The following TBC1D19 variants were observed in gnomAD, a reference collection of about 807,000 sequenced individuals.
The protein encoded by TBC1D19 is TBC1 domain family member 19.
TBC1D19 carries 60 observed loss-of-function variants against 89.0 expected under a neutral mutation model. The ratio of observed to expected loss-of-function variants is 0.67; its 90% confidence interval spans 0.55 to 0.84. The LOEUF (loss-of-function observed/expected upper bound fraction) is 0.84, where lower values mean the gene tolerates loss of function less well. Ranked by LOEUF, TBC1D19 falls within the 40% of genes least tolerant of loss-of-function variation. TBC1D19 has a pLI of 0.00. For synonymous variants in TBC1D19, 189 were observed against 199.7 expected, an observed-to-expected ratio of 0.95 and a Z score of 0.45; for missense variants, 500 against 610.8, an observed-to-expected ratio of 0.82 and a Z score of 1.91.
At chr4:26,627,200 C>A (rs1262834308) in intron 4 of TBC1D19, among the ~76,000 whole-genome samples, 1 of 151,594 alleles carries the variant, frequency 6.6e-6, no homozygotes, top group Non-Finnish European at 1.5e-5. Context: ...TCATCCATGT[C>A]CCTACAAAGG....
chr4:26,691,693 A>G (rs1714306878), intron 13 of TBC1D19, among the ~76,000 whole-genome samples: 1 of 152,234 alleles, frequency 6.6e-6, no homozygotes, highest in South Asian at 2.1e-4. Context: ...GCTTTTATAC[A>G]TACTGAGAAA....
rs138869699 is a variant in TBC1D19, at chr4:26,682,380, A to G, written c.817-1295A>G. Among the ~76,000 whole-genome samples the G allele has an allele frequency of 2.3e-3, 355 of 152,364 alleles. 1 individual carries two copies. Among genetic ancestry groups the G allele is most frequent in the Non-Finnish European group, 2.9e-3 (194 of 68,034 alleles). The stretch of plus-strand genomic sequence containing the variant: ...AAAATAGCCAGTAAATGCCCTGATC[A>G]TCATTAGGCAAAGAGCACTTTGACT... On this transcript the variant is annotated intron_variant, in intron 11 of 20. Coordinates refer to ENST00000264866, the MANE Select transcript of TBC1D19 (RefSeq NM_018317.4).
the TBC1D19 span, among the ~76,000 whole-genome samples, chr4:26,770,941 A>C: frequency 1.3e-5 from 2 of 152,166 alleles, no homozygotes; most frequent in Admixed American, 6.5e-5. Context: ...AAACAACAAA[A>C]TTTTTGAAAT....
intron 6 of TBC1D19, among the ~76,000 whole-genome samples, chr4:26,639,351 C>T (rs1438309638): frequency 2.0e-5 from 3 of 152,086 alleles, no homozygotes; most frequent in East Asian, 1.9e-4. Context: ...TGAGCCACTG[C>T]GCCTGGCCTT....
chr4:26,776,229 G>T, the TBC1D19 span, among the ~76,000 whole-genome samples: 1 of 152,012 alleles, frequency 6.6e-6, no homozygotes, highest in African/African-American at 2.4e-5. Flanking sequence ...GTGCTCAGAG[G>T]TAATTTCAAA....
intron 7 of TBC1D19, among the ~76,000 whole-genome samples, chr4:26,648,955 A>G (rs1202561333): frequency 6.6e-6 from 1 of 151,964 alleles, no homozygotes; most frequent in Non-Finnish European, 1.5e-5. Context: ...GAATATTTTA[A>G]ATAATTATTT....
At chr4:26,857,328 C>T in the TBC1D19 span, among the ~76,000 whole-genome samples, 1 of 152,238 alleles carries the variant, frequency 6.6e-6, no homozygotes, top group Non-Finnish European at 1.5e-5. Flanking sequence ...AGGCAGCTCT[C>T]TGAGGGGCTT....
intron 7 of TBC1D19, among the ~76,000 whole-genome samples, chr4:26,641,631 GA>G (rs35724216): frequency 0.36 from 55,107 of 151,858 alleles, 11,248 homozygotes; most frequent in Non-Finnish European, 0.47. Flanking sequence ...ACACGTCTCT[GA>G]GCTAAAGAAG....
At chr4:26,782,623 C>G in the TBC1D19 span, among the ~76,000 whole-genome samples, 1 of 152,138 alleles carries the variant, frequency 6.6e-6, no homozygotes, top group African/African-American at 2.4e-5. Flanking sequence ...GCTTTACTGT[C>G]AAACTAGATT....
At chr4:26,629,449 A>T (rs985975269) in intron 4 of TBC1D19, among the ~76,000 whole-genome samples, 32 of 151,988 alleles carry the variant, frequency 2.1e-4, no homozygotes, top group Admixed American at 3.9e-4. Context: ...TCTTTTCACC[A>T]CTGTATCTCC....
At chr4:26,765,239 AC>A in the TBC1D19 span, among the ~76,000 whole-genome samples, 1 of 151,922 alleles carries the variant, frequency 6.6e-6, no homozygotes, top group Admixed American at 6.6e-5. Flanking sequence ...GAGGAATAAC[AC>A]TCTAAAATTG....
the TBC1D19 span, among the ~76,000 whole-genome samples, chr4:26,780,005 A>C: frequency 6.6e-6 from 1 of 152,202 alleles, no homozygotes. Context: ...CCCTCTGGAC[A>C]TGCCAGGGCT....
intron 1 of TBC1D19, among the ~76,000 whole-genome samples, chr4:26,612,258 T>A (rs1258511472): frequency 6.6e-6 from 1 of 150,502 alleles, no homozygotes; most frequent in Non-Finnish European, 1.5e-5. Context: ...ATCAAGGAGG[T>A]TTTTTAAAAA....
chr4:26,814,167 A>G, the TBC1D19 span, among the ~76,000 whole-genome samples: 1 of 152,170 alleles, frequency 6.6e-6, no homozygotes, highest in African/African-American at 2.4e-5. Flanking sequence ...TTGGTAGACC[A>G]CGGTCCCTGT....
the TBC1D19 span, among the ~76,000 whole-genome samples, chr4:26,850,452 G>A: frequency 6.8e-6 from 1 of 147,898 alleles, no homozygotes; most frequent in Non-Finnish European, 1.5e-5. Context: ...GGAGGCTGAG[G>A]TGGGAGGACT....
chr4:26,680,607 C>T (rs1277232964), intron 11 of TBC1D19, among the ~76,000 whole-genome samples: 1 of 152,124 alleles, frequency 6.6e-6, no homozygotes. Context: ...GAGTTAATCA[C>T]TTGATCTCAT....
intron 13 of TBC1D19, among the ~76,000 whole-genome samples, chr4:26,708,170 G>A (rs1053187483): frequency 6.6e-6 from 1 of 151,938 alleles, no homozygotes; most frequent in Non-Finnish European, 1.5e-5. Context: ...TTGAAGGTCA[G>A]GTCTCAGCAT....
the TBC1D19 span, among the ~76,000 whole-genome samples, chr4:26,764,838 G>A: frequency 1.3e-5 from 2 of 152,114 alleles, no homozygotes; most frequent in African/African-American, 2.4e-5. Context: ...TAATTTTGAA[G>A]GCACATAACG....
In TBC1D19 at chr4:26,675,239, G is replaced by A. The variant is rs1223830856; in HGVS notation, c.816+1351G>A. Among the ~76,000 whole-genome samples the A allele has an allele frequency of 4.0e-5, 6 of 151,796 alleles. No homozygotes were observed. The South Asian group carries it at 6.2e-4, about 16-fold the overall frequency. On this transcript the variant is annotated intron_variant, in intron 11 of 20. Transcript: ENST00000264866. ...TTGTATTAACAAATTCTATCTCTTC[G>A]CAGAAGAATCACTGCGATTTCTAAA...
Sources: gnomAD v4.1 joint callset for allele counts (sites outside exome capture counted in the v4.1 genomes callset) on GRCh38, gnomAD v4.1.1 for gene constraint, MANE v1.5 for transcripts, NCBI Gene and HGNC (gene_info 2026-07-23, HGNC 2026-07-21) for gene names.